The following PLEKHA5 variants were observed in gnomAD, a reference collection of about 807,000 sequenced individuals.
PLEKHA5 encodes pleckstrin homology domain containing A5, also known as pleckstrin homology domain-containing family A member 5.
Under a neutral mutation model 181.9 loss-of-function variants are expected in PLEKHA5, and 55 were observed. That is an observed-to-expected ratio of 0.30 (90% CI 0.24 to 0.38). The LOEUF (loss-of-function observed/expected upper bound fraction) is 0.38, where lower values mean the gene tolerates loss of function less well. PLEKHA5 is among the 10% of genes least tolerant of loss of function. The pLI, the probability that PLEKHA5 is intolerant of heterozygous loss-of-function variation, is 1.00. For missense variants in PLEKHA5, 1,432 were observed against 1,549.5 expected, an observed-to-expected ratio of 0.92 and a Z score of 1.27; for synonymous variants, 535 against 529.4, an observed-to-expected ratio of 1.01 and a Z score of -0.15.
intron 11 of PLEKHA5, among the ~76,000 whole-genome samples, chr12:19,279,692 A>T (rs548412606): frequency 5.9e-5 from 9 of 151,858 alleles, no homozygotes; most frequent in East Asian, 1.9e-4. Flanking sequence ...TATATATATA[A>T]AATCTCTTGG....
chr12:19,189,660 T>C (rs1054565641), intron 3 of PLEKHA5, among the ~76,000 whole-genome samples: 1 of 152,146 alleles, frequency 6.6e-6, no homozygotes, highest in Non-Finnish European at 1.5e-5. Context: ...TATACCAGTC[T>C]GCAACTCAGG....
chr12:19,221,948 T>C (rs774717067), intron 3 of PLEKHA5, among the ~76,000 whole-genome samples: 8 of 151,930 alleles, frequency 5.3e-5, no homozygotes, highest in Non-Finnish European at 8.8e-5. Flanking sequence ...GAAGAAACAA[T>C]TGACTTTAGT....
chr12:19,266,706 C>T lies in PLEKHA5; in HGVS notation c.711+856C>T, dbSNP rs140446299. Among the ~76,000 whole-genome samples the T allele has an allele frequency of 2.7e-3, 417 of 152,056 alleles. 2 individuals carry two copies. The highest frequency in any genetic ancestry group is 9.7e-3 in the African/African-American group (403 of 41,478). On this transcript the variant is annotated intron_variant, in intron 8 of 31. Transcript: ENST00000429027. ...GGCTCAGGTGGGAGGATCGCTTGAG[C>T]CCTGGAGGCAGAGGTTGCAGTGAGC...
Position 19,287,474 on chromosome 12 carries a change from A to G in PLEKHA5, c.1781A>G (p.His594Arg), listed in dbSNP as rs143759229. Residue 594 changes from histidine to arginine, a missense_variant and splice_region_variant, in exon 13 of 32, where the codon CAT becomes CGT. His to Arg is a conservative substitution (Grantham distance 29). Around this residue, in one of 2 missense-constraint regions of PLEKHA5, gnomAD observed 1,143 missense variants for 1,168.4 expected, o/e 0.98. Transcript: ENST00000429027. Reference protein sequence around the residue: ...DRRHRAHHPKHVYVPDRRSVP... With the variant: ...DRRHRAHHPKRVYVPDRRSVP... ...TACATTGTGCCTTTACTTTCCTAGC[A>G]TGTCTATGTGCCTGACAGAAGGTCA... 14 of 1,600,212 alleles carry G rather than the reference A, an allele frequency of 8.7e-6. No individual in the cohort carries two copies. The East Asian group carries it at 2.9e-4, about 33-fold the overall frequency.
rs185204440 is a variant in PLEKHA5 at position 19,262,637 on chromosome 12, A to G, written c.610+1616A>G. Reference sequence around the variant, plus strand: ...AAAGGTGGGACTCATCACTTTTACTATAATAGGAAAGCTTTTGATCATATT... The same window carrying G: ...AAAGGTGGGACTCATCACTTTTACTGTAATAGGAAAGCTTTTGATCATATT... On this transcript the variant is annotated intron_variant, in intron 7 of 31. Coordinates refer to ENST00000429027, the MANE Select transcript of PLEKHA5 (RefSeq NM_001256470.2). Among the ~76,000 whole-genome samples, 12 of 152,320 alleles carry G rather than the reference A, an allele frequency of 7.9e-5. No individual in the cohort carries two copies. The East Asian group carries it at 2.3e-3, about 29-fold the overall frequency.
chr12:19,306,374 T>A (rs1386691530), intron 15 of PLEKHA5: 1 of 504,064 alleles, frequency 2.0e-6, no homozygotes, highest in Middle Eastern at 3.0e-4. Context: ...TAGCGTGCTC[T>A]CTTCCCCTCC....
At chr12:19,129,999 C>G in intron 1 of PLEKHA5, 52 bp from the exon 2 acceptor site, 1 of 1,479,936 alleles carries the variant, frequency 6.8e-7, no homozygotes. Flanking sequence ...CCTCGGCTCG[C>G]CCCCGCGTCC....
chr12:19,192,053 G>A (rs980117698), intron 3 of PLEKHA5, among the ~76,000 whole-genome samples: 1 of 152,054 alleles, frequency 6.6e-6, no homozygotes, highest in African/African-American at 2.4e-5. Context: ...ATCACTGAGG[G>A]TCATCTTAGA....
intron 26 of PLEKHA5, among the ~76,000 whole-genome samples, chr12:19,356,699 C>T (rs2094949731): frequency 8.1e-6 from 1 of 123,874 alleles, no homozygotes; most frequent in African/African-American, 2.9e-5. Flanking sequence ...CAGAGTCTCT[C>T]CCTGTCGCCC....
At chr12:19,306,677 C>G in intron 15 of PLEKHA5, 1 of 1,475,388 alleles carries the variant, frequency 6.8e-7, no homozygotes, top group South Asian at 1.1e-5. Context: ...GGCGCTAGCT[C>G]TGAGCAGATG....
intron 15 of PLEKHA5, among the ~76,000 whole-genome samples, chr12:19,304,814 G>C (rs2082682559): frequency 6.6e-6 from 1 of 151,774 alleles, no homozygotes; most frequent in African/African-American, 2.4e-5. Context: ...AGAAAAGTCA[G>C]CTGGATGTGA....
At chr12:19,316,430 G>C (rs373770753) in intron 16 of PLEKHA5, among the ~76,000 whole-genome samples, 3 of 150,186 alleles carry the variant, frequency 2.0e-5, no homozygotes, top group South Asian at 2.1e-4. Context: ...GAAGGGCTGA[G>C]GGGGGGGAAA....
intron 20 of PLEKHA5, among the ~76,000 whole-genome samples, chr12:19,324,664 TGAGAA>T (rs916616672): frequency 6.6e-5 from 10 of 152,078 alleles, no homozygotes; most frequent in Admixed American, 1.3e-4. Flanking sequence ...TTGGATACAA[TGAGAA>T]GAGAAGTGAA....
At chr12:19,327,076 A>G (rs1424460741) in intron 20 of PLEKHA5, among the ~76,000 whole-genome samples, 4 of 152,076 alleles carry the variant, frequency 2.6e-5, no homozygotes, top group Non-Finnish European at 5.9e-5. Flanking sequence ...TTTTGGATAT[A>G]CTTTTGGATA....
intron 15 of PLEKHA5, among the ~76,000 whole-genome samples, chr12:19,304,866 G>A (rs368454604): frequency 2.0e-5 from 3 of 151,896 alleles, no homozygotes; most frequent in Admixed American, 6.6e-5. Flanking sequence ...AGGCCAACAC[G>A]GGTGGATCTC....
At chr12:19,271,256 A>G (rs1242352737) in intron 10 of PLEKHA5, among the ~76,000 whole-genome samples, 2 of 152,184 alleles carry the variant, frequency 1.3e-5, no homozygotes, top group Admixed American at 6.5e-5. Flanking sequence ...CACACCTGTA[A>G]TTCTAGCACT....
intron 3 of PLEKHA5, among the ~76,000 whole-genome samples, chr12:19,221,459 A>G (rs1445675602): frequency 1.3e-5 from 2 of 152,152 alleles, no homozygotes; most frequent in Non-Finnish European, 2.9e-5. Flanking sequence ...GAGTGGAAAG[A>G]CCAGGGGTTT....
chr12:19,252,378 A>G (rs2065573084), intron 3 of PLEKHA5, among the ~76,000 whole-genome samples: 1 of 152,190 alleles, frequency 6.6e-6, no homozygotes, highest in Admixed American at 6.5e-5. Context: ...AGGCATGTCA[A>G]TGATAGGTCT....
chr12:19,306,287 C>T, intron 15 of PLEKHA5: 1 of 358,468 alleles, frequency 2.8e-6, no homozygotes, highest in African/African-American at 2.1e-5. Flanking sequence ...TTCTTATTTA[C>T]AGCTAGAGTT....
Sources: gnomAD v4.1 joint callset for allele counts (sites outside exome capture counted in the v4.1 genomes callset) on GRCh38, gnomAD v4.1.1 for gene constraint, gnomAD v4.1.1 regional missense constraint, MANE v1.5 for transcripts, NCBI Gene and HGNC (gene_info 2026-07-23, HGNC 2026-07-21) for gene names.